The following PDGFD variants were observed in gnomAD, a reference collection of about 807,000 sequenced individuals.
The protein encoded by PDGFD is platelet derived growth factor D.
PDGFD carries 30 observed loss-of-function variants against 44.7 expected under a neutral mutation model. The observed-to-expected ratio is 0.67, with a 90% CI of 0.50 to 0.91. PDGFD has a LOEUF of 0.91. Ranked by LOEUF, PDGFD falls within the 40% of genes least tolerant of loss-of-function variation. PDGFD has a pLI of 0.00. For missense variants in PDGFD, 445 were observed against 457.8 expected (o/e 0.97, Z 0.25); for synonymous variants, 173 against 168.4 (o/e 1.03, Z -0.21).
chr11:104,114,796 T>C (rs1419334318), intron 1 of PDGFD, among the ~76,000 whole-genome samples: 10 of 152,046 alleles, frequency 6.6e-5, no homozygotes, highest in Non-Finnish European at 1.3e-4. Flanking sequence ...GTTTTCCTCA[T>C]ATAGACCCCG....
At chr11:103,937,704 T>TC (rs1349515363) in intron 5 of PDGFD, among the ~76,000 whole-genome samples, 1 of 82,184 alleles carries the variant, frequency 1.2e-5, no homozygotes, top group Non-Finnish European at 2.2e-5. Context: ...CCCTCCCCCC[T>TC]CCCCCCACCC....
At position 103,927,126 on chromosome 11, in the gene PDGFD, A is replaced by C; in HGVS notation, c.773T>G (p.Val258Gly). 2 of 1,613,686 alleles carry C rather than the reference A, an allele frequency of 1.2e-6. No homozygotes were observed. The highest frequency in any genetic ancestry group is 1.7e-6 in the Non-Finnish European group (2 of 1,179,646). ...ATCATCATTGAGCCTATCCAGGTCA[A>C]CTGTAAGCAAATACATGCACTGTGT... is the stretch of plus-strand genomic sequence containing the variant. ...GRSYHDRKSK[V>G]DLDRLNDDAK... Residue 258 changes from valine to glycine, a missense_variant and splice_region_variant, in exon 6 of 7, where the codon GTT (valine) becomes GGT (glycine). Val to Gly is a moderately radical substitution (Grantham distance 109). Coordinates refer to ENST00000393158, the MANE Select transcript of PDGFD (RefSeq NM_025208.5).
At chr11:104,064,584 T>C (rs2134416425) in intron 1 of PDGFD, among the ~76,000 whole-genome samples, 1 of 152,226 alleles carries the variant, frequency 6.6e-6, no homozygotes, top group South Asian at 2.1e-4. Flanking sequence ...GAATTTAGAA[T>C]ATTGTGTTTA....
intron 3 of PDGFD, among the ~76,000 whole-genome samples, chr11:103,988,329 A>C (rs1474213850): frequency 1.3e-5 from 2 of 151,704 alleles, no homozygotes; most frequent in Non-Finnish European, 2.9e-5. Flanking sequence ...ATATAATTAG[A>C]TACTAGATAA....
At chr11:103,971,806 A>T (rs1222457866) in intron 3 of PDGFD, among the ~76,000 whole-genome samples, 2 of 152,234 alleles carry the variant, frequency 1.3e-5, no homozygotes, top group African/African-American at 4.8e-5. Flanking sequence ...AGAACACTTC[A>T]GTTGTAACAT....
At position 103,908,450 on chromosome 11, in the gene PDGFD, T is replaced by C. The variant is rs1317684860; in HGVS notation, c.*1244A>G. The C allele has an allele frequency of 6.6e-6, 1 of 152,218 alleles. No homozygotes were observed. The highest frequency in any genetic ancestry group is 1.5e-5 in the Non-Finnish European group (1 of 68,030). The allele number at this position is 152,218 out of a possible 1,614,324, so 9.4% of individuals were successfully genotyped here. A position where few individuals can be genotyped will look rare whatever the true frequency, so the allele number is the denominator to read the frequency against. ...TCCATAGATTAAGAACCATAGCCTC[T>C]AGGACTGATTTTACTTGGTTCAGAA... is the stretch of plus-strand genomic sequence containing the variant. On this transcript the variant is annotated 3_prime_UTR_variant, in exon 7 of 7. Transcript: ENST00000393158.
intron 3 of PDGFD, among the ~76,000 whole-genome samples, chr11:103,964,303 A>C (rs1303511419): frequency 1.3e-5 from 2 of 152,184 alleles, no homozygotes; most frequent in Admixed American, 1.3e-4. Context: ...ACAGGTGATT[A>C]GCAGCTGATA....
chr11:104,079,120 A>C (rs1861008138), intron 1 of PDGFD, among the ~76,000 whole-genome samples: 1 of 152,196 alleles, frequency 6.6e-6, no homozygotes, highest in Non-Finnish European at 1.5e-5. Flanking sequence ...TGAGAAAAAC[A>C]TATTTGGTGA....
chr11:103,983,999 C>G (rs2134353448), intron 3 of PDGFD, among the ~76,000 whole-genome samples: 1 of 151,630 alleles, frequency 6.6e-6, no homozygotes, highest in Admixed American at 6.6e-5. Flanking sequence ...AGTGTGGTGA[C>G]TCCTCAATGG....
chr11:104,021,783 C>G (rs940170726), intron 1 of PDGFD, among the ~76,000 whole-genome samples: 1 of 152,082 alleles, frequency 6.6e-6, no homozygotes. Context: ...GATAGCTAAC[C>G]AATTCACATT....
intron 3 of PDGFD, among the ~76,000 whole-genome samples, chr11:103,954,807 G>A (rs1278754415): frequency 2.0e-5 from 3 of 152,068 alleles, no homozygotes; most frequent in Non-Finnish European, 4.4e-5. Context: ...TAATGCTTTT[G>A]AATTTCAAAA....
intron 1 of PDGFD, among the ~76,000 whole-genome samples, chr11:104,100,794 A>C (rs1861365914): frequency 6.6e-6 from 1 of 152,214 alleles, no homozygotes; most frequent in African/African-American, 2.4e-5. Flanking sequence ...GACTGGTTCA[A>C]CATAACGCAA....
At chr11:104,118,888 AT>A (rs1861689981) in intron 1 of PDGFD, among the ~76,000 whole-genome samples, 1 of 95,272 alleles carries the variant, frequency 1.0e-5, no homozygotes, top group Admixed American at 1.7e-4. Flanking sequence ...CATATATATT[AT>A]TATGTATAAT....
chr11:103,918,528 A>G (rs756784300), intron 6 of PDGFD, among the ~76,000 whole-genome samples: 1 of 152,186 alleles, frequency 6.6e-6, no homozygotes, highest in Non-Finnish European at 1.5e-5. Flanking sequence ...GACGGCAAAC[A>G]AAAGTGTGTG....
At chr11:104,090,095 A>G (rs1200696054) in intron 1 of PDGFD, among the ~76,000 whole-genome samples, 1 of 152,184 alleles carries the variant, frequency 6.6e-6, no homozygotes, top group Non-Finnish European at 1.5e-5. Context: ...TCTTCCTCAA[A>G]AGACAGCAAT....
chr11:104,123,038 G>T (rs955315820), intron 1 of PDGFD, among the ~76,000 whole-genome samples: 2 of 151,918 alleles, frequency 1.3e-5, no homozygotes, highest in Non-Finnish European at 2.9e-5. Flanking sequence ...AAACCACTGG[G>T]GAGTTTGTTT....
At chr11:104,076,407 T>C (rs977556548) in intron 1 of PDGFD, among the ~76,000 whole-genome samples, 1 of 152,182 alleles carries the variant, frequency 6.6e-6, no homozygotes, top group Non-Finnish European at 1.5e-5. Flanking sequence ...CCTTCAAATG[T>C]CTTTCATTAG....
chr11:103,951,163 T>G (rs2134328480), intron 3 of PDGFD, among the ~76,000 whole-genome samples: 1 of 152,314 alleles, frequency 6.6e-6, no homozygotes, highest in Non-Finnish European at 1.5e-5. Flanking sequence ...AGAAACCAAC[T>G]TTTGTGTTAC....
chr11:104,004,872 C>CTTTTTTTTTTT (rs33979812), intron 1 of PDGFD, among the ~76,000 whole-genome samples: 9 of 71,894 alleles, frequency 1.3e-4, no homozygotes, highest in Admixed American at 2.4e-4. Flanking sequence ...TTATTACCAC[C>CTTTTTTTTTTT]TTTTTTTTTT....
Sources: allele counts gnomAD v4.1 joint callset (sites outside exome capture counted in the v4.1 genomes callset), GRCh38; gene constraint gnomAD v4.1.1; transcripts MANE v1.5; gene names NCBI Gene and HGNC (gene_info 2026-07-23, HGNC 2026-07-21).